Variants in CDH18 observed in about 807,000 individuals in gnomAD.
CDH18 encodes the protein cadherin 18, also known as cadherin-18.
In CDH18, 31 loss-of-function variants were observed where a neutral mutation model predicts 67.9. The observed-to-expected ratio is 0.46, with a 90% CI of 0.34 to 0.62. The LOEUF (loss-of-function observed/expected upper bound fraction) is 0.62, where lower values mean the gene tolerates loss of function less well. Among genes scored for constraint, CDH18 ranks in the 20% least tolerant of loss-of-function variants. The pLI is 0.01. For missense variants in CDH18, 890 were observed against 975.5 expected (o/e 0.91, Z 1.17); for synonymous variants, 362 against 347.2 (o/e 1.04, Z -0.48).
At chr5:20,559,920 T>C (rs191353673) in intron 1 of CDH18, among the ~76,000 whole-genome samples, 110 of 151,076 alleles carry the variant, frequency 7.3e-4, no homozygotes, top group Admixed American at 4.1e-3. Flanking sequence ...TATATCTTAC[T>C]AGCTAAAGTG....
chr5:19,840,877 C>A (rs1370017520), intron 2 of CDH18, among the ~76,000 whole-genome samples: 1 of 152,134 alleles, frequency 6.6e-6, no homozygotes, highest in East Asian at 1.9e-4. Context: ...CTAAATAAAT[C>A]ACTTTCTCAT....
At chr5:19,611,479 C>CA (rs1427609713) in intron 6 of CDH18, among the ~76,000 whole-genome samples, 1 of 152,052 alleles carries the variant, frequency 6.6e-6, no homozygotes, top group Non-Finnish European at 1.5e-5. Flanking sequence ...TAAGGACGTA[C>CA]AAAGTGTTAT....
chr5:19,494,984 C>T (rs979271240), intron 11 of CDH18, among the ~76,000 whole-genome samples: 1 of 152,168 alleles, frequency 6.6e-6, no homozygotes, highest in African/African-American at 2.4e-5. Context: ...TCCCTGCAGT[C>T]TGTACACTCA....
Position 20,204,345 on chromosome 5 carries a change from A to T in CDH18, c.-518+51099T>A, listed in dbSNP as rs188095915. On this transcript the variant is annotated intron_variant, in intron 2 of 14. Transcript: ENST00000507958. ...CCAGAAAGAAGCAGAATGACATTTT[A>T]AAAATGTATTAAGGAAAAAAAAAGT... Among the ~76,000 whole-genome samples, 1,158 of 152,134 alleles carry T rather than the reference A, an allele frequency of 7.6e-3. 6 individuals carry two copies. Among genetic ancestry groups the T allele is most frequent in the Non-Finnish European group, 0.012 (783 of 67,960 alleles).
Position 20,418,113 on chromosome 5 carries a change from C to T in CDH18, c.-580+157349G>A, listed in dbSNP as rs367807535. On this transcript the variant is annotated intron_variant, in intron 1 of 14. Coordinates refer to the CDH18 transcript ENST00000507958. ...TGTTGAGACAGACTCTTGCTGTTGT[C>T]GGCCGGGGCTGGAGTGCAGTGGCGC... Among the ~76,000 whole-genome samples, 26 of 151,786 alleles carry T rather than the reference C, an allele frequency of 1.7e-4. No homozygotes were observed. In the East Asian group the frequency reaches 1.7e-3, roughly 10 times the overall value.
intron 1 of CDH18, among the ~76,000 whole-genome samples, chr5:20,489,821 G>A (rs1753475737): frequency 6.6e-6 from 1 of 151,778 alleles, no homozygotes; most frequent in African/African-American, 2.4e-5. Flanking sequence ...CATGGTTACT[G>A]TAGGGAATAA....
chr5:19,649,539 A>T (rs1755265732), intron 5 of CDH18, among the ~76,000 whole-genome samples: 1 of 151,956 alleles, frequency 6.6e-6, no homozygotes, highest in Admixed American at 6.6e-5. Flanking sequence ...ATGTCTTTGA[A>T]TTCTAGCTGA....
chr5:20,126,828 A>C (rs1748870867), intron 2 of CDH18, among the ~76,000 whole-genome samples: 1 of 152,224 alleles, frequency 6.6e-6, no homozygotes, highest in Admixed American at 6.5e-5. Context: ...CTTGCCTAGT[A>C]GGCAAATTGA....
intron 3 of CDH18, among the ~76,000 whole-genome samples, chr5:19,798,997 A>G (rs1032059708): frequency 1.3e-5 from 2 of 152,084 alleles, no homozygotes; most frequent in African/African-American, 2.4e-5. Flanking sequence ...TTATCTGTCA[A>G]TGGACATTTG....
At chr5:20,023,743 T>C (rs938408474) in intron 2 of CDH18, among the ~76,000 whole-genome samples, 3 of 151,928 alleles carry the variant, frequency 2.0e-5, no homozygotes, top group Non-Finnish European at 4.4e-5. Flanking sequence ...TAACAAACTG[T>C]AGGTTTGAGC....
intron 5 of CDH18, among the ~76,000 whole-genome samples, chr5:19,632,451 T>G (rs1249017946): frequency 6.6e-6 from 1 of 152,234 alleles, no homozygotes. Flanking sequence ...CTTACCCAAA[T>G]GTACAGTTAT....
intron 1 of CDH18, among the ~76,000 whole-genome samples, chr5:20,281,633 A>G (rs1268765506): frequency 6.6e-6 from 1 of 152,158 alleles, no homozygotes; most frequent in Non-Finnish European, 1.5e-5. Flanking sequence ...GTTTGAAGTC[A>G]GGTAGTGTGA....
intron 5 of CDH18, among the ~76,000 whole-genome samples, chr5:19,621,067 A>C (rs1029080090): frequency 3.3e-5 from 5 of 152,180 alleles, no homozygotes; most frequent in African/African-American, 1.2e-4. Flanking sequence ...AGACTTTCAC[A>C]ATAGGTTTAC....
At chr5:20,162,708 CAT>C (rs201819718) in intron 2 of CDH18, among the ~76,000 whole-genome samples, 1 of 151,120 alleles carries the variant, frequency 6.6e-6, no homozygotes, top group East Asian at 1.9e-4. Context: ...TATATACATA[CAT>C]ATATATATGT....
intron 2 of CDH18, among the ~76,000 whole-genome samples, chr5:20,070,324 A>T (rs1743368848): frequency 6.6e-6 from 1 of 152,078 alleles, no homozygotes. Context: ...TGGTTCAAAA[A>T]TCGGTTAAAT....
At position 19,614,879 on chromosome 5, in the gene CDH18, G is replaced by A. The variant is rs1453220207; in HGVS notation, c.644-2278C>T. Among the ~76,000 whole-genome samples the A allele has an allele frequency of 2.6e-5, 4 of 152,216 alleles. No homozygotes were observed. The South Asian group carries it at 6.2e-4, about 24-fold the overall frequency. ...ATCACAACTCTTGGCTGGGCGCGGC[G>A]GCTCAGGCCTATAATCCCAGCACTT... On this transcript the variant is annotated intron_variant, in intron 5 of 12. Transcript: ENST00000382275.
chr5:19,756,307 G>A (rs2149687414), intron 3 of CDH18, among the ~76,000 whole-genome samples: 1 of 152,274 alleles, frequency 6.6e-6, no homozygotes, highest in East Asian at 1.9e-4. Context: ...AAAAGAAGGA[G>A]GAAATACTCA....
intron 2 of CDH18, among the ~76,000 whole-genome samples, chr5:20,155,270 C>T (rs890306842): frequency 3.3e-5 from 5 of 152,086 alleles, no homozygotes; most frequent in African/African-American, 1.2e-4. Flanking sequence ...TACTTGCTTT[C>T]TATTTTATCC....
intron 1 of CDH18, among the ~76,000 whole-genome samples, chr5:20,357,469 TC>T (rs1376363612): frequency 3.9e-5 from 6 of 152,132 alleles, no homozygotes; most frequent in Admixed American, 3.3e-4. Context: ...TAAATAACTT[TC>T]TATTGTTATT....
Sources: gnomAD v4.1 joint callset for allele counts (sites outside exome capture counted in the v4.1 genomes callset) on GRCh38, gnomAD v4.1.1 for gene constraint, MANE v1.5 for transcripts, NCBI Gene and HGNC (gene_info 2026-07-23, HGNC 2026-07-21) for gene names.